The following MPRIP variants were observed in gnomAD, a reference collection of about 807,000 sequenced individuals.
MPRIP encodes myosin phosphatase Rho-interacting protein.
Under a neutral mutation model 234.9 loss-of-function variants are expected in MPRIP, and 59 were observed. That is an observed-to-expected ratio of 0.25 (90% confidence interval 0.20 to 0.31). MPRIP has a LOEUF of 0.31. Among genes scored for constraint, MPRIP ranks in the 10% least tolerant of loss-of-function variants. MPRIP has a pLI of 1.00. For synonymous variants in MPRIP, 1,144 were observed against 1,263.9 expected (o/e 0.91, Z 2.01); for missense variants, 2,436 against 3,071.0 (o/e 0.79, Z 4.89).
intron 1 of MPRIP, among the ~76,000 whole-genome samples, chr17:17,072,391 A>G (rs2089217549): frequency 2.0e-5 from 3 of 152,226 alleles, no homozygotes; most frequent in African/African-American, 4.8e-5. Context: ...CTCAGGATCA[A>G]GGACACAGCC....
At chr17:17,092,689 G>C (rs757805999) in intron 3 of MPRIP, among the ~76,000 whole-genome samples, 1 of 152,174 alleles carries the variant, frequency 6.6e-6, no homozygotes, top group Non-Finnish European at 1.5e-5. Flanking sequence ...TCCAGAGCAG[G>C]AAAGGGGAGT....
chr17:17,060,790 T>C (rs960190190), intron 1 of MPRIP, among the ~76,000 whole-genome samples: 9 of 152,208 alleles, frequency 5.9e-5, no homozygotes, highest in African/African-American at 2.2e-4. Context: ...GCTCCATCTT[T>C]AGTATCTGCA....
intron 9 of MPRIP, 69 bp from the exon 10 acceptor site, chr17:17,145,967 T>G: frequency 7.0e-7 from 1 of 1,438,070 alleles, no homozygotes; most frequent in South Asian, 1.2e-5. Context: ...ACAGAAATAC[T>G]GGCCCCATCA....
intron 1 of MPRIP, among the ~76,000 whole-genome samples, chr17:17,050,956 AT>A (rs1351806911): frequency 1.3e-5 from 2 of 152,180 alleles, no homozygotes; most frequent in East Asian, 3.9e-4. Context: ...TTTTCCTCTG[AT>A]TTCTCTTTCC....
At position 17,165,862 on chromosome 17, in the gene MPRIP, G is replaced by A; in HGVS notation, c.4271G>A (p.Gly1424Asp). The change falls in exon 16 of 24, where the codon GGC becomes GAC. Residue 1424 changes from glycine (G) to aspartate (D), a missense_variant. Physicochemically the swap from Gly to Asp is moderately conservative, Grantham distance 94 (BLOSUM62 -1). Coordinates refer to ENST00000651222, the MANE Select transcript of MPRIP (RefSeq NM_001364716.4). The stretch of plus-strand genomic sequence containing the variant: ...CTCGCACTGCACCACCAGTGGGCGG[G>A]CACCGAGGCCCAGCTGCGTGAGCAG... ...ALLALHHQWA[G>D]TEAQLREQLR... The A allele has an allele frequency of 7.7e-7, 1 of 1,304,198 alleles. No individual in the cohort carries two copies. The highest frequency in any genetic ancestry group is 1.0e-6 in the Non-Finnish European group (1 of 988,942). 80.8% of individuals were successfully genotyped at this position (1,304,198 alleles called of 1,614,324 possible).
intron 11 of MPRIP, among the ~76,000 whole-genome samples, chr17:17,148,205 G>T (rs1348740622): frequency 1.3e-5 from 2 of 152,200 alleles, no homozygotes; most frequent in Non-Finnish European, 2.9e-5. Flanking sequence ...TGGGCCTCTG[G>T]TGGTGTCCAG....
chr17:17,047,389 C>CT (rs199922901), intron 1 of MPRIP, among the ~76,000 whole-genome samples: 33 of 150,820 alleles, frequency 2.2e-4, no homozygotes, highest in Admixed American at 1.5e-3. Context: ...TGCAGTTGGT[C>CT]TTTTTTTTTA....
At chr17:17,155,255 T>TC (rs1457815809) in intron 13 of MPRIP, among the ~76,000 whole-genome samples, 2 of 149,942 alleles carry the variant, frequency 1.3e-5, no homozygotes, top group African/African-American at 5.0e-5. Flanking sequence ...AAAAGCGTGT[T>TC]CTTTTTTTTT....
At chr17:17,174,822 T>C (rs774087246) in intron 19 of MPRIP, among the ~76,000 whole-genome samples, 25 of 151,826 alleles carry the variant, frequency 1.6e-4, no homozygotes, top group Non-Finnish European at 1.0e-4. Flanking sequence ...AAAGATTTGC[T>C]TGCTCCTTAG....
chr17:17,078,556 C>G lies in MPRIP; in HGVS notation c.267+480C>G, dbSNP rs2089388908. ...TTGGCTTAGTTTTCCGAGCTGACTT[C>G]AGAGGCCTCCTGGTCACAAGGTCAT... On this transcript the variant is annotated intron_variant, in intron 3 of 23. Transcript: ENST00000651222. The surrounding 1 kb of genome is among the most constrained non-coding windows in gnomAD (Gnocchi z 4.3). 1.3e-5 allele frequency among the ~76,000 whole-genome samples: 2 copies of G among 152,254 alleles called. No homozygotes were observed. Among genetic ancestry groups the G allele is most frequent in the South Asian group, 4.1e-4 (2 of 4,834 alleles).
In MPRIP at chr17:17,166,601, A is replaced by G; in HGVS notation, c.5010A>G (p.Ala1670=). 7.7e-7 allele frequency: 1 copy of G among 1,304,094 alleles called. No individual in the cohort carries two copies. The highest frequency in any genetic ancestry group is 1.0e-6 in the Non-Finnish European group (1 of 988,882). The allele number at this position is 1,304,094 out of a possible 1,614,324, so 80.8% of individuals were successfully genotyped here. ...TGGCCAATGCCACATGGGTCAGGGC[A>G]GAGCTCAGCTTTGCCACACAGTCAG... is the stretch of plus-strand genomic sequence containing the variant. The part of the protein sequence containing the change: ...PILANATWVR[A]ELSFATQSVR... The change falls in exon 16 of 24, where the codon GCA becomes GCG. Residue 1670 remains alanine, a synonymous_variant. Transcript: ENST00000651222. The surrounding 1 kb of genome is among the most constrained non-coding windows in gnomAD (Gnocchi z 4.4).
intron 9 of MPRIP, 104 bp from the exon 10 acceptor site, chr17:17,145,932 C>CT (rs1322237387): frequency 9.5e-6 from 11 of 1,157,954 alleles, no homozygotes; most frequent in African/African-American, 6.1e-5. Context: ...GGAGAAACCC[C>CT]TTTCCTGGTA....
chr17:17,115,552 T>A (rs2090268059), intron 3 of MPRIP, among the ~76,000 whole-genome samples: 1 of 152,204 alleles, frequency 6.6e-6, no homozygotes, highest in Non-Finnish European at 1.5e-5. Flanking sequence ...CTGTTTTGTT[T>A]TGTTTGAAGT....
At chr17:17,094,050 CCTCTCTCTCTTTCT>C (rs2089782304) in intron 3 of MPRIP, among the ~76,000 whole-genome samples, 3 of 152,116 alleles carry the variant, frequency 2.0e-5, no homozygotes. Flanking sequence ...TCCTGGGAAG[CCTCTCTCTCTTTCT>C]CTCTCTCTCT....
rs1597550066 is a variant in MPRIP at position 17,190,859 on chromosome 17, G to T, written c.*5965G>T. 1 of 152,290 alleles carries T rather than the reference G, an allele frequency of 6.6e-6. No individual in the cohort carries two copies. Among genetic ancestry groups the T allele is most frequent in the Middle Eastern group, 3.4e-3 (1 of 294 alleles). The allele number at this position is 152,290 out of a possible 1,614,324, so 9.4% of individuals were successfully genotyped here. The stretch of plus-strand genomic sequence containing the variant: ...TGCAATTTCTCTGTATTTAAAAGCA[G>T]CTGTGTTTATTTTCTTCAAAATAAC... On this transcript the variant is annotated 3_prime_UTR_variant, in exon 24 of 24. Transcript: ENST00000651222.
Position 17,191,885 on chromosome 17 carries a change from T to C in MPRIP, c.*6991T>C, listed in dbSNP as rs1312163034. 1 of 152,268 alleles carries C rather than the reference T, an allele frequency of 6.6e-6. No homozygotes were observed. Among genetic ancestry groups the C allele is most frequent in the Non-Finnish European group, 1.5e-5 (1 of 68,052 alleles). The allele number at this position is 152,268 out of a possible 1,614,324, so 9.4% of individuals were successfully genotyped here. ...GGATTTACCTTTAGTATTAACAACG[T>C]ATCTACTGACATACTGTTAGGATTC... On this transcript the variant is annotated 3_prime_UTR_variant, in exon 24 of 24. Coordinates refer to ENST00000651222, the MANE Select transcript of MPRIP (RefSeq NM_001364716.4).
At chr17:17,111,267 G>C (rs571234660) in intron 3 of MPRIP, among the ~76,000 whole-genome samples, 6 of 129,206 alleles carry the variant, frequency 4.6e-5, no homozygotes, top group African/African-American at 1.8e-4. Context: ...ATAGAGACTC[G>C]AAGAGAGAGG....
chr17:17,057,508 G>C lies in MPRIP; in HGVS notation c.123+14537G>C, dbSNP rs546191053. The C allele has an allele frequency of 1.2e-4, 83 of 687,506 alleles. No homozygotes were observed. The African/African-American group carries it at 1.3e-3, about 11-fold the overall frequency. The allele number at this position is 687,506 out of a possible 1,614,324, so 42.6% of individuals were successfully genotyped here. On this transcript the variant is annotated intron_variant, in intron 1 of 23. Coordinates refer to ENST00000651222, the MANE Select transcript of MPRIP (RefSeq NM_001364716.4). ...GCCTTCCCAGTGCTAGGTGCTGGGA[G>C]CTGCTGGCAGAGGGCCCACAGAGCC...
chr17:17,132,914 A>G (rs1460202633), intron 5 of MPRIP, among the ~76,000 whole-genome samples: 2 of 152,238 alleles, frequency 1.3e-5, no homozygotes, highest in Non-Finnish European at 2.9e-5. Flanking sequence ...GTTGGAGAGA[A>G]ACAAAAAAAT....
Sources: allele counts gnomAD v4.1 joint callset (sites outside exome capture counted in the v4.1 genomes callset), GRCh38; gene constraint gnomAD v4.1.1; non-coding constraint Gnocchi (gnomAD v3.1); transcripts MANE v1.5; gene names NCBI Gene and HGNC (gene_info 2026-07-23, HGNC 2026-07-21).